The following LAMA2 variants were observed in gnomAD, a reference collection of about 807,000 sequenced individuals.
The protein encoded by LAMA2 is laminin subunit alpha-2.
In LAMA2, 269 loss-of-function variants were observed where a neutral mutation model predicts 364.8. That is an observed-to-expected ratio of 0.74 (90% confidence interval 0.67 to 0.82). LAMA2 has a LOEUF of 0.82. Ranked by LOEUF, LAMA2 falls within the 40% of genes least tolerant of loss-of-function variation. The pLI is 0.00. For missense variants in LAMA2, 3,807 were observed against 3,873.2 expected (o/e 0.98, Z 0.45); for synonymous variants, 1,379 against 1,370.6 (o/e 1.01, Z -0.14).
At chr6:129,140,289 G>T (rs557574679) in intron 4 of LAMA2, among the ~76,000 whole-genome samples, 168 of 152,180 alleles carry the variant, frequency 1.1e-3, no homozygotes, top group Middle Eastern at 3.4e-3. Flanking sequence ...TTATTTGGGT[G>T]AACAGAGTAT....
chr6:129,258,120 T>C (rs1786837168), intron 14 of LAMA2, among the ~76,000 whole-genome samples: 1 of 152,050 alleles, frequency 6.6e-6, no homozygotes, highest in Admixed American at 6.6e-5. Context: ...CCTGCATATA[T>C]AGATGGCAAG....
intron 9 of LAMA2, among the ~76,000 whole-genome samples, chr6:129,173,100 A>G (rs1780324760): frequency 6.6e-6 from 1 of 152,068 alleles, no homozygotes; most frequent in Non-Finnish European, 1.5e-5. Context: ...TGAACCCGGT[A>G]CCTCAGATGG....
chr6:129,301,000 A>T (rs1392542659), intron 22 of LAMA2, 128 bp downstream of exon 22: 10 of 796,160 alleles, frequency 1.3e-5, no homozygotes, highest in Non-Finnish European at 2.2e-5. Context: ...CTATAATGTG[A>T]TTACAGATAT....
chr6:129,501,552 T>A (rs1218631664), intron 58 of LAMA2, among the ~76,000 whole-genome samples: 1 of 152,110 alleles, frequency 6.6e-6, no homozygotes, highest in Non-Finnish European at 1.5e-5. Flanking sequence ...TGCTGATGAG[T>A]CATCTCTGAG....
At chr6:129,053,240 T>C (rs530266399) in intron 2 of LAMA2, among the ~76,000 whole-genome samples, 1 of 152,264 alleles carries the variant, frequency 6.6e-6, no homozygotes, top group East Asian at 1.9e-4. Context: ...TAATTTTGTA[T>C]TTTTAGTAGA....
chr6:129,396,495 G>T (rs372297653), intron 37 of LAMA2, among the ~76,000 whole-genome samples: 2 of 152,112 alleles, frequency 1.3e-5, no homozygotes, highest in Non-Finnish European at 2.9e-5. Flanking sequence ...CAAAAGCTAC[G>T]TAAAAATCTG....
At chr6:129,472,585 C>A (rs1041563275) in intron 51 of LAMA2, among the ~76,000 whole-genome samples, 10 of 151,890 alleles carry the variant, frequency 6.6e-5, no homozygotes, top group Non-Finnish European at 1.3e-4. Context: ...ATTAAAAATA[C>A]CTTGAGAGAC....
intron 1 of LAMA2, among the ~76,000 whole-genome samples, chr6:128,917,191 CTAAT>C (rs1778377293): frequency 7.0e-6 from 1 of 143,128 alleles, no homozygotes; most frequent in Non-Finnish European, 1.5e-5. Flanking sequence ...AAAAAAAAAA[CTAAT>C]TACAGAATTA....
chr6:128,902,016 A>G (rs946093607), intron 1 of LAMA2, among the ~76,000 whole-genome samples: 1 of 152,194 alleles, frequency 6.6e-6, no homozygotes, highest in Non-Finnish European at 1.5e-5. Flanking sequence ...CAATCATGAC[A>G]GAAGGGAAAG....
intron 1 of LAMA2, among the ~76,000 whole-genome samples, chr6:128,970,397 T>A (rs975097941): frequency 2.0e-5 from 3 of 152,326 alleles, no homozygotes; most frequent in Admixed American, 6.5e-5. Context: ...TGTTCTATGT[T>A]ATATGACCTA....
Position 129,252,117 on chromosome 6 carries a change from G to C in LAMA2, c.1918G>C (p.Glu640Gln). ...NDLSISTAQDEVYLHPSEEHT... is the reference protein window; with the variant it reads ...NDLSISTAQDQVYLHPSEEHT... Reference sequence around the variant, plus strand: ...CTTGAGCATCAGCACAGCCCAAGATGAGGTGTACCTGCACCCATCTGAAGA... The same window carrying C: ...CTTGAGCATCAGCACAGCCCAAGATCAGGTGTACCTGCACCCATCTGAAGA... The change falls in exon 14 of 65, where the codon GAG (glutamate) becomes CAG (glutamine). Residue 640 changes from glutamate to glutamine, a missense_variant. Physicochemically the swap from Glu to Gln is conservative, Grantham distance 29. Transcript: ENST00000421865. The C allele has an allele frequency of 6.2e-7, 1 of 1,613,516 alleles. No individual in the cohort carries two copies. Among genetic ancestry groups the C allele is most frequent in the Middle Eastern group, 1.7e-4 (1 of 6,060 alleles).
chr6:129,352,656 G>A (rs1362854798), intron 31 of LAMA2, among the ~76,000 whole-genome samples: 1 of 152,022 alleles, frequency 6.6e-6, no homozygotes, highest in Non-Finnish European at 1.5e-5. Context: ...TATACAAGAG[G>A]ACTTAACAAA....
intron 4 of LAMA2, among the ~76,000 whole-genome samples, chr6:129,120,578 C>G (rs1180252515): frequency 6.6e-6 from 1 of 152,160 alleles, no homozygotes; most frequent in Non-Finnish European, 1.5e-5. Context: ...GATTAGTATA[C>G]CACAAAACAT....
chr6:129,298,306 C>T (rs994327403), intron 21 of LAMA2, among the ~76,000 whole-genome samples: 1 of 151,984 alleles, frequency 6.6e-6, no homozygotes, highest in East Asian at 1.9e-4. Context: ...TCCTGGTACC[C>T]CAAAAACATC....
intron 12 of LAMA2, among the ~76,000 whole-genome samples, chr6:129,206,535 G>A (rs1446671612): frequency 1.3e-5 from 2 of 152,172 alleles, no homozygotes; most frequent in Non-Finnish European, 2.9e-5. Context: ...TGTTTGGCAT[G>A]TTTAATTGAT....
At chr6:129,161,653 C>G (rs1779444281) in intron 8 of LAMA2, among the ~76,000 whole-genome samples, 1 of 152,076 alleles carries the variant, frequency 6.6e-6, no homozygotes, top group Admixed American at 6.6e-5. Context: ...CTTCACCCCC[C>G]TCCCACCCTT....
rs1417161190 is a variant in LAMA2, at chr6:129,314,794, C to T, written c.3551C>T (p.Thr1184Met). 11 of 1,613,840 alleles carry T rather than the reference C, an allele frequency of 6.8e-6. No individual in the cohort carries two copies. Among genetic ancestry groups the T allele is most frequent in the Non-Finnish European group, 8.5e-6 (10 of 1,179,990 alleles). The stretch of plus-strand genomic sequence containing the variant: ...TCTGAAGCAAAAGGACTGATCCGGA[C>T]GTGGGTGAGTAGGGAACTGCTGAGC... Reference protein sequence around the residue: ...QCSEAKGLIRTWVTLKAEQTI... With the variant: ...QCSEAKGLIRMWVTLKAEQTI... Residue 1184 changes from threonine to methionine, a missense_variant, in exon 24 of 65, where the codon ACG (threonine) becomes ATG (methionine). Physicochemically the swap from Thr to Met is moderately conservative, Grantham distance 81 (BLOSUM62 -1). This residue lies in a region of LAMA2 where 3,333 missense variants were observed against 3,345.7 expected (regional missense o/e 1.00). Coordinates refer to ENST00000421865, the MANE Select transcript of LAMA2 (RefSeq NM_000426.4).
intron 11 of LAMA2, among the ~76,000 whole-genome samples, chr6:129,192,086 G>A (rs1406913274): frequency 6.6e-6 from 1 of 152,210 alleles, no homozygotes; most frequent in African/African-American, 2.4e-5. Flanking sequence ...ATTGCCAGGT[G>A]TTGTCATAGC....
At position 129,156,200 on chromosome 6, in the gene LAMA2, T is replaced by C. The variant is rs569693472; in HGVS notation, c.1206+1517T>C. On this transcript the variant is annotated intron_variant, in intron 8 of 64. Coordinates refer to ENST00000421865, the MANE Select transcript of LAMA2 (RefSeq NM_000426.4). ...TATATATACAATGATATTCAAAATA[T>C]CATGTCACACATGATAAATATATAC... is the stretch of plus-strand genomic sequence containing the variant. Among the ~76,000 whole-genome samples, 24 of 151,320 alleles carry C rather than the reference T, an allele frequency of 1.6e-4. 1 individual carries two copies. Among genetic ancestry groups the C allele is most frequent in the Non-Finnish European group, 2.7e-4 (18 of 67,776 alleles).
Sources: gnomAD v4.1 joint callset for allele counts (sites outside exome capture counted in the v4.1 genomes callset) on GRCh38, gnomAD v4.1.1 for gene constraint, gnomAD v4.1.1 regional missense constraint, MANE v1.5 for transcripts, NCBI Gene and HGNC (gene_info 2026-07-23, HGNC 2026-07-21) for gene names.